Variants in GRID2 observed in about 807,000 individuals in gnomAD.
GRID2 encodes the protein glutamate ionotropic receptor delta type subunit 2, also known as glutamate receptor ionotropic, delta-2.
Under a neutral mutation model 114.8 loss-of-function variants are expected in GRID2, and 33 were observed. The observed-to-expected ratio is 0.29, with a 90% confidence interval of 0.22 to 0.38. The LOEUF (loss-of-function observed/expected upper bound fraction) is 0.38, where lower values mean the gene tolerates loss of function less well. GRID2 is among the 10% of genes least tolerant of loss of function. GRID2 has a pLI of 1.00. For synonymous variants in GRID2, 505 were observed against 449.9 expected (o/e 1.12, Z -1.55); for missense variants, 1,184 against 1,257.7 (o/e 0.94, Z 0.89).
intron 2 of GRID2, among the ~76,000 whole-genome samples, chr4:92,759,833 G>C (rs1232561455): frequency 6.7e-6 from 1 of 148,496 alleles, no homozygotes; most frequent in South Asian, 2.2e-4. Context: ...CACCATGTTA[G>C]TCAGGCTGGT....
intron 4 of GRID2, among the ~76,000 whole-genome samples, chr4:93,160,219 T>G (rs1289017278): frequency 6.6e-6 from 1 of 151,816 alleles, no homozygotes; most frequent in Non-Finnish European, 1.5e-5. Context: ...AAACAAGAAT[T>G]GTGAAACACA....
At chr4:93,054,455 A>C (rs1727034511) in intron 2 of GRID2, among the ~76,000 whole-genome samples, 1 of 151,792 alleles carries the variant, frequency 6.6e-6, no homozygotes, top group Non-Finnish European at 1.5e-5. Flanking sequence ...GCCATTCAGG[A>C]AAGTCATTGT....
At chr4:92,405,766 A>G (rs1730998245) in intron 1 of GRID2, among the ~76,000 whole-genome samples, 1 of 152,106 alleles carries the variant, frequency 6.6e-6, no homozygotes. Context: ...TCTTATTTCT[A>G]ATGGAAATTT....
At chr4:92,776,466 C>G (rs937874886) in intron 2 of GRID2, among the ~76,000 whole-genome samples, 1 of 151,890 alleles carries the variant, frequency 6.6e-6, no homozygotes, top group African/African-American at 2.4e-5. Flanking sequence ...ACAGAAGGGT[C>G]GGTGTGAGTG....
chr4:93,580,327 C>T (rs553287371), intron 13 of GRID2, among the ~76,000 whole-genome samples: 8 of 152,228 alleles, frequency 5.3e-5, no homozygotes, highest in African/African-American at 1.7e-4. Flanking sequence ...TATTCTTCCC[C>T]GTTTCCTACC....
chr4:92,950,777 C>T (rs1375663686), intron 2 of GRID2, among the ~76,000 whole-genome samples: 1 of 152,058 alleles, frequency 6.6e-6, no homozygotes, highest in Non-Finnish European at 1.5e-5. Context: ...GATGTCATTT[C>T]GTGTAGTGTG....
At chr4:93,256,696 T>A (rs928247164) in intron 8 of GRID2, among the ~76,000 whole-genome samples, 1 of 152,032 alleles carries the variant, frequency 6.6e-6, no homozygotes, top group Admixed American at 6.6e-5. Context: ...GATATAGACA[T>A]CATCCACTTG....
intron 13 of GRID2, among the ~76,000 whole-genome samples, chr4:93,566,341 T>G (rs1037081688): frequency 6.6e-6 from 1 of 152,054 alleles, no homozygotes; most frequent in Non-Finnish European, 1.5e-5. Flanking sequence ...AAGGGACAAA[T>G]GAGTAGTTGC....
chr4:93,633,814 C>T (rs1721162936), intron 14 of GRID2, among the ~76,000 whole-genome samples: 1 of 152,082 alleles, frequency 6.6e-6, no homozygotes, highest in African/African-American at 2.4e-5. Flanking sequence ...AAAAACATTC[C>T]TTTAACTTGA....
At chr4:93,344,693 T>A (rs1760023498) in intron 8 of GRID2, among the ~76,000 whole-genome samples, 1 of 149,920 alleles carries the variant, frequency 6.7e-6, no homozygotes. Flanking sequence ...TTAACTATAG[T>A]CATATTATAC....
chr4:92,347,798 A>G (rs1727847579), intron 1 of GRID2, among the ~76,000 whole-genome samples: 1 of 152,130 alleles, frequency 6.6e-6, no homozygotes, highest in Admixed American at 6.5e-5. Context: ...GTTCTTTGAG[A>G]TGATTTATGA....
intron 14 of GRID2, among the ~76,000 whole-genome samples, chr4:93,636,663 T>A (rs1424853987): frequency 6.6e-6 from 1 of 152,198 alleles, no homozygotes; most frequent in South Asian, 2.1e-4. Context: ...TACTTTTTCA[T>A]AGGTCCTTAA....
chr4:93,524,829 A>G (rs1172835570), intron 13 of GRID2, among the ~76,000 whole-genome samples: 12 of 117,482 alleles, frequency 1.0e-4, no homozygotes, highest in African/African-American at 4.3e-4. Flanking sequence ...GTATGTATAT[A>G]TATATATATA....
chr4:93,580,451 CT>C (rs1316445759), intron 13 of GRID2, among the ~76,000 whole-genome samples: 4 of 152,152 alleles, frequency 2.6e-5, no homozygotes, highest in African/African-American at 4.8e-5. Context: ...TGTTTTCAGG[CT>C]TGTAGTTCAG....
At chr4:92,470,686 T>C (rs1721990448) in intron 1 of GRID2, among the ~76,000 whole-genome samples, 1 of 152,004 alleles carries the variant, frequency 6.6e-6, no homozygotes, top group Admixed American at 6.6e-5. Flanking sequence ...AAGCAAGAAC[T>C]GACTGCAATC....
At chr4:92,309,922 T>C (rs1163519349) in intron 1 of GRID2, among the ~76,000 whole-genome samples, 1 of 151,908 alleles carries the variant, frequency 6.6e-6, no homozygotes, top group Non-Finnish European at 1.5e-5. Context: ...CGGTGGTAGC[T>C]CTGCTTACCT....
chr4:93,743,877 G>A (rs1468434001), intron 14 of GRID2, among the ~76,000 whole-genome samples: 1 of 152,164 alleles, frequency 6.6e-6, no homozygotes, highest in Non-Finnish European at 1.5e-5. Flanking sequence ...TAGCTAGAGA[G>A]TAGAAGTCAA....
At position 93,085,195 on chromosome 4, in the gene GRID2, C is replaced by G. The variant is rs771861870; in HGVS notation, c.445C>G (p.Pro149Ala). The change falls in exon 3 of 16, where the codon CCT becomes GCT. Residue 149 changes from proline to alanine, a missense_variant. Physicochemically the swap from Pro to Ala is conservative, Grantham distance 27 (BLOSUM62 -1). Coordinates refer to ENST00000282020, the MANE Select transcript of GRID2 (RefSeq NM_001510.4). ...NDDYTLSVRP[P>A]VYLHDVILRV... ...TGACTACACTCTCTCAGTTCGCCCA[C>G]CTGTCTACTTGCATGATGTTATCCT... The G allele has an allele frequency of 1.2e-5, 19 of 1,613,820 alleles. No homozygotes were observed. The East Asian group carries it at 4.0e-4, about 34-fold the overall frequency.
intron 2 of GRID2, among the ~76,000 whole-genome samples, chr4:92,608,281 G>C (rs903303790): frequency 1.4e-4 from 22 of 151,732 alleles, no homozygotes; most frequent in African/African-American, 5.3e-4. Flanking sequence ...GATTCAGCAA[G>C]TAAAATTGAA....
Sources: allele counts gnomAD v4.1 joint callset (sites outside exome capture counted in the v4.1 genomes callset), GRCh38; gene constraint gnomAD v4.1.1; transcripts MANE v1.5; gene names NCBI Gene and HGNC (gene_info 2026-07-23, HGNC 2026-07-21).